Variants in SLC30A9 observed in about 807,000 individuals in gnomAD.
SLC30A9 encodes the protein proton-coupled zinc antiporter SLC30A9, mitochondrial.
A neutral mutation model predicts 87.5 loss-of-function variants in SLC30A9; 58 were observed. The observed-to-expected ratio is 0.66, with a 90% CI of 0.54 to 0.82. SLC30A9 has a LOEUF of 0.82. Ranked by LOEUF, SLC30A9 falls within the 40% of genes least tolerant of loss-of-function variation. The pLI, the probability that SLC30A9 is intolerant of heterozygous loss-of-function variation, is 0.00. For missense variants in SLC30A9, 557 were observed against 679.1 expected (o/e 0.82, Z 2.00); for synonymous variants, 234 against 233.0 (o/e 1.00, Z -0.04).
In SLC30A9 at chr4:42,049,374, T is replaced by C; in HGVS notation, c.738-3T>C. The C allele has an allele frequency of 6.3e-7, 1 of 1,588,996 alleles. No individual in the cohort carries two copies. Among genetic ancestry groups the C allele is most frequent in the Non-Finnish European group, 8.6e-7 (1 of 1,163,550 alleles). On this transcript the variant is annotated splice_region_variant and splice_polypyrimidine_tract_variant and intron_variant, in intron 8 of 17. Coordinates refer to ENST00000264451, the MANE Select transcript of SLC30A9 (RefSeq NM_006345.4). ...GCTAAATTGTTTTCTCTTTCTCTTC[T>C]AGCAATGGATTAAACTGCTTCTTTA...
intron 1 of SLC30A9, among the ~76,000 whole-genome samples, chr4:41,997,648 C>T (rs903811477): frequency 6.6e-6 from 1 of 151,970 alleles, no homozygotes; most frequent in Non-Finnish European, 1.5e-5. Context: ...AGTATAGTTA[C>T]CTGCCGTAAT....
chr4:42,016,905 G>A (rs140817840), intron 2 of SLC30A9, among the ~76,000 whole-genome samples: 73 of 152,260 alleles, frequency 4.8e-4, no homozygotes, highest in African/African-American at 1.7e-3. Flanking sequence ...GAACACTCAT[G>A]TACCTCTGTC....
chr4:42,030,917 A>G (rs745719524), intron 6 of SLC30A9, among the ~76,000 whole-genome samples: 32 of 152,014 alleles, frequency 2.1e-4, no homozygotes, highest in Non-Finnish European at 4.0e-4. Flanking sequence ...TGCTTTGTAC[A>G]TTTTCTTTTA....
chr4:41,996,747 AAC>A (rs1714728635), intron 1 of SLC30A9, among the ~76,000 whole-genome samples: 1 of 151,516 alleles, frequency 6.6e-6, no homozygotes, highest in African/African-American at 2.4e-5. Context: ...GTCTCAGAAA[AAC>A]ACAGGTGGGT....
intron 14 of SLC30A9, among the ~76,000 whole-genome samples, chr4:42,068,118 T>C (rs976480915): frequency 2.6e-5 from 4 of 152,238 alleles, no homozygotes; most frequent in African/African-American, 7.2e-5. Context: ...TTTTACATAG[T>C]TTTTATTAAT....
chr4:42,023,028 A>C, intron 5 of SLC30A9, 98 bp downstream of exon 5: 1 of 700,654 alleles, frequency 1.4e-6, no homozygotes. Flanking sequence ...ATGACTTTTT[A>C]AAAACAATAT....
intron 2 of SLC30A9, among the ~76,000 whole-genome samples, chr4:42,005,450 A>G (rs1715162266): frequency 1.3e-5 from 2 of 152,202 alleles, no homozygotes; most frequent in African/African-American, 4.8e-5. Context: ...CAGATAGGCC[A>G]GCTTACTTGC....
intron 14 of SLC30A9, among the ~76,000 whole-genome samples, chr4:42,069,478 C>T (rs564430348): frequency 4.2e-4 from 64 of 152,210 alleles, no homozygotes; most frequent in Non-Finnish European, 7.2e-4. Context: ...ATTTTGAGCT[C>T]TATAATTACA....
intron 7 of SLC30A9, among the ~76,000 whole-genome samples, chr4:42,037,239 C>CTTTTTTTTTTTTTTTT (rs536795831): frequency 3.3e-5 from 3 of 91,220 alleles, no homozygotes; most frequent in East Asian, 4.6e-4. Context: ...TAAATGCCTT[C>CTTTTTTTTTTTTTTTT]TTTTTTTTTT....
intron 6 of SLC30A9, among the ~76,000 whole-genome samples, chr4:42,024,104 C>G (rs1229720996): frequency 6.6e-6 from 1 of 152,206 alleles, no homozygotes; most frequent in African/African-American, 2.4e-5. Flanking sequence ...TCTATTAACT[C>G]AGCTACATTA....
intron 11 of SLC30A9, 99 bp from the exon 12 acceptor site, chr4:42,065,211 T>A: frequency 1.4e-6 from 1 of 706,650 alleles, no homozygotes; most frequent in South Asian, 1.5e-5. Flanking sequence ...GGCTTAAATT[T>A]GAATTCGTGT....
At chr4:42,070,813 T>G (rs1718284946) in intron 15 of SLC30A9, 122 bp downstream of exon 15, 1 of 670,452 alleles carries the variant, frequency 1.5e-6, no homozygotes, top group Non-Finnish European at 2.3e-6. Context: ...CGTTTTAGTC[T>G]GTAACTTTTC....
chr4:42,054,781 A>G (rs1204991476), intron 9 of SLC30A9, among the ~76,000 whole-genome samples: 3 of 151,700 alleles, frequency 2.0e-5, no homozygotes, highest in African/African-American at 7.3e-5. Context: ...GATTACAGAC[A>G]TGAGCCACCG....
chr4:42,053,709 A>AAAAAAT (rs1233248481), intron 9 of SLC30A9, among the ~76,000 whole-genome samples: 13 of 150,538 alleles, frequency 8.6e-5, no homozygotes, highest in African/African-American at 3.2e-4. Flanking sequence ...AAAAAAAAAA[A>AAAAAAT]AAAAAAAAAA....
At chr4:42,070,350 C>T in intron 14 of SLC30A9, 176 bp from the exon 15 acceptor site, 1 of 502,080 alleles carries the variant, frequency 2.0e-6, no homozygotes, top group Non-Finnish European at 3.5e-6. Flanking sequence ...CAAGTTGTAG[C>T]ATCCTCATTT....
At chr4:42,006,018 A>G (rs1226137938) in intron 2 of SLC30A9, among the ~76,000 whole-genome samples, 2 of 152,258 alleles carry the variant, frequency 1.3e-5, no homozygotes, top group African/African-American at 4.8e-5. Flanking sequence ...CTGCATCTGT[A>G]CTGAACATAT....
intron 1 of SLC30A9, 35 bp downstream of exon 1, chr4:41,990,795 AG>A (rs755899933): frequency 1.1e-5 from 17 of 1,507,190 alleles, no homozygotes; most frequent in Non-Finnish European, 1.6e-5. Context: ...GCTCCGTAGA[AG>A]CCGAACTGGA....
At chr4:42,058,893 A>G (rs1279195612) in intron 9 of SLC30A9, among the ~76,000 whole-genome samples, 1 of 152,162 alleles carries the variant, frequency 6.6e-6, no homozygotes, top group East Asian at 1.9e-4. Context: ...TCAGGGTGTA[A>G]AAGAGTTATA....
chr4:42,034,118 C>G (rs902436865), intron 6 of SLC30A9, among the ~76,000 whole-genome samples: 10 of 145,324 alleles, frequency 6.9e-5, no homozygotes, highest in African/African-American at 2.5e-4. Flanking sequence ...GAAAAATACT[C>G]TCTCATATTT....
Sources: allele counts gnomAD v4.1 joint callset (sites outside exome capture counted in the v4.1 genomes callset), GRCh38; gene constraint gnomAD v4.1.1; transcripts MANE v1.5; gene names NCBI Gene and HGNC (gene_info 2026-07-23, HGNC 2026-07-21).